Variants in ZNF521 observed in about 807,000 individuals in gnomAD.
ZNF521 encodes the protein zinc finger protein 521.
A neutral mutation model predicts 105.5 loss-of-function variants in ZNF521; 14 were observed. The observed-to-expected ratio is 0.13, with a 90% CI of 0.09 to 0.21. ZNF521 has a LOEUF of 0.21. Ranked by LOEUF, ZNF521 falls within the 10% of genes least tolerant of loss-of-function variation. The probability of loss-of-function intolerance (pLI) is 1.00; values close to 1 mark genes in which losing one functional copy is unlikely to be tolerated. For missense variants in ZNF521, 1,233 were observed against 1,629.7 expected, an observed-to-expected ratio of 0.76 and a Z score of 4.19; for synonymous variants, 635 against 606.0, an observed-to-expected ratio of 1.05 and a Z score of -0.70.
Position 25,062,757 on chromosome 18 carries a change from A to C in ZNF521, c.3907-16T>G, listed in dbSNP as rs1204935777. 4 of 790,172 alleles carry C rather than the reference A, an allele frequency of 5.1e-6. No homozygotes were observed. Among genetic ancestry groups the C allele is most frequent in the African/African-American group, 3.9e-5 (1 of 25,778 alleles). 48.9% of individuals were successfully genotyped at this position (790,172 alleles called of 1,614,324 possible). ...TTGTATGATTCTGTAAATAACAAAAAAAAAAAAAAAAAAAAAAAAAAAAAA... is the reference window on the plus strand; with the variant it reads ...TTGTATGATTCTGTAAATAACAAAACAAAAAAAAAAAAAAAAAAAAAAAAA... On this transcript the variant is annotated splice_polypyrimidine_tract_variant and intron_variant, in intron 7 of 7. Coordinates refer to ENST00000361524, the MANE Select transcript of ZNF521 (RefSeq NM_015461.3).
chr18:25,123,152 CA>C lies in ZNF521; in HGVS notation c.3659-31072del, dbSNP rs2034476855. On this transcript the variant is annotated intron_variant, in intron 5 of 7. Transcript: ENST00000361524. ...CTTACAAATGACTCATTATATGAGT[CA>C]TTTGTAAGTACAGATAATTATTAGA... Among the ~76,000 whole-genome samples, 11 of 151,430 alleles carry C rather than the reference CA, an allele frequency of 7.3e-5. No individual in the cohort carries two copies. In the South Asian group the frequency reaches 2.3e-3, roughly 32 times the overall value.
intron 4 of ZNF521, among the ~76,000 whole-genome samples, chr18:25,197,877 C>A (rs1417058799): frequency 6.6e-6 from 1 of 151,700 alleles, no homozygotes; most frequent in East Asian, 1.9e-4. Context: ...GAAATAGAAC[C>A]CCAAATGAAG....
At chr18:25,212,527 A>AAAAAAAAAG (rs2036202592) in intron 4 of ZNF521, among the ~76,000 whole-genome samples, 1 of 117,438 alleles carries the variant, frequency 8.5e-6, no homozygotes, top group African/African-American at 3.8e-5. Context: ...AAAAAAAAAA[A>AAAAAAAAAG]AAAAAAAAAA....
At chr18:25,274,225 A>G (rs1048462367) in intron 3 of ZNF521, among the ~76,000 whole-genome samples, 1 of 152,162 alleles carries the variant, frequency 6.6e-6, no homozygotes, top group South Asian at 2.1e-4. Flanking sequence ...AAGGAATACC[A>G]AGGAACCAGC....
intron 5 of ZNF521, among the ~76,000 whole-genome samples, chr18:25,115,916 C>A (rs139086562): frequency 1.3e-3 from 199 of 152,292 alleles, no homozygotes; most frequent in African/African-American, 4.6e-3. Flanking sequence ...CCAGGAAAAC[C>A]TCAATAATGC....
intron 5 of ZNF521, among the ~76,000 whole-genome samples, chr18:25,135,389 C>T (rs949323526): frequency 1.3e-5 from 2 of 151,590 alleles, no homozygotes; most frequent in African/African-American, 4.9e-5. Context: ...CTTCTCTGGC[C>T]ATAATGTTTC....
intron 4 of ZNF521, among the ~76,000 whole-genome samples, chr18:25,223,326 G>A (rs1353037068): frequency 2.0e-5 from 3 of 152,188 alleles, no homozygotes; most frequent in Non-Finnish European, 4.4e-5. Flanking sequence ...GTGAGGCCAG[G>A]CTCTGTCTCA....
chr18:25,245,818 G>C (rs945740366), intron 3 of ZNF521, among the ~76,000 whole-genome samples: 1 of 152,060 alleles, frequency 6.6e-6, no homozygotes, highest in South Asian at 2.1e-4. Context: ...TTCAGGACTA[G>C]CCTGAGCAAC....
intron 5 of ZNF521, among the ~76,000 whole-genome samples, chr18:25,147,260 A>C (rs530083265): frequency 2.0e-5 from 3 of 152,244 alleles, no homozygotes; most frequent in African/African-American, 4.8e-5. Context: ...TTTACCTTTA[A>C]TACTGAAGTG....
intron 3 of ZNF521, among the ~76,000 whole-genome samples, chr18:25,285,638 T>C (rs1435059267): frequency 1.3e-5 from 2 of 152,122 alleles, no homozygotes; most frequent in Non-Finnish European, 2.9e-5. Flanking sequence ...CACGTACCTC[T>C]ATCCACCACC....
At chr18:25,123,127 C>T (rs2034474376) in intron 5 of ZNF521, among the ~76,000 whole-genome samples, 1 of 145,806 alleles carries the variant, frequency 6.9e-6, no homozygotes, top group African/African-American at 2.5e-5. Context: ...ATTATCTGTA[C>T]TTACAAATGA....
chr18:25,227,317 G>A lies in ZNF521; in HGVS notation c.601C>T (p.Pro201Ser). 6.2e-7 allele frequency: 1 copy of A among 1,614,154 alleles called. No individual in the cohort carries two copies. Among genetic ancestry groups the A allele is most frequent in the Non-Finnish European group, 8.5e-7 (1 of 1,180,022 alleles). Residue 201 changes from proline (P) to serine (S), a missense_variant, in exon 4 of 8, where the codon CCA becomes TCA. Pro to Ser is a moderately conservative substitution (Grantham distance 74). Around this residue, in one of 6 missense-constraint regions of ZNF521, gnomAD observed 380 missense variants for 478.0 expected, o/e 0.80. Coordinates refer to ENST00000361524, the MANE Select transcript of ZNF521 (RefSeq NM_015461.3). This position sits in a 1 kb window ranked among gnomAD's most constrained non-coding sequence, Gnocchi z 5.7. ...IHLKTHTSNKPYKCAICRRGF... is the reference protein window; with the variant it reads ...IHLKTHTSNKSYKCAICRRGF... ...CGGCGACAAATGGCACATTTATATG[G>A]CTTGTTGGACGTGTGAGTCTTTAAG...
intron 5 of ZNF521, among the ~76,000 whole-genome samples, chr18:25,136,561 G>A (rs1250313431): frequency 6.6e-6 from 1 of 152,112 alleles, no homozygotes; most frequent in Non-Finnish European, 1.5e-5. Context: ...GAGAGGTTCA[G>A]GTTGAGAAAG....
At chr18:25,336,379 A>G (rs1432231647) in intron 2 of ZNF521, among the ~76,000 whole-genome samples, 2 of 152,194 alleles carry the variant, frequency 1.3e-5, no homozygotes, top group Non-Finnish European at 2.9e-5. Context: ...TTAAACTTTC[A>G]TAATGATATG....
chr18:25,301,610 G>A (rs1031910036), intron 3 of ZNF521, among the ~76,000 whole-genome samples: 1 of 152,218 alleles, frequency 6.6e-6, no homozygotes, highest in African/African-American at 2.4e-5. Flanking sequence ...GTCCATCAGA[G>A]GAAAATGATG....
At chr18:25,181,749 A>G (rs866657471) in intron 5 of ZNF521, among the ~76,000 whole-genome samples, 2 of 152,208 alleles carry the variant, frequency 1.3e-5, no homozygotes, top group African/African-American at 2.4e-5. Flanking sequence ...TTTTAGGCTC[A>G]TATAAAGGAC....
chr18:25,174,301 C>T (rs1035688349), intron 5 of ZNF521, among the ~76,000 whole-genome samples: 76 of 152,104 alleles, frequency 5.0e-4, no homozygotes, highest in African/African-American at 1.8e-3. Context: ...AACATATTAG[C>T]TTTTTAGATC....
chr18:25,160,189 T>C (rs558945235), intron 5 of ZNF521, among the ~76,000 whole-genome samples: 1 of 152,260 alleles, frequency 6.6e-6, no homozygotes, highest in South Asian at 2.1e-4. Flanking sequence ...GTCTTTACTG[T>C]CAAGGCAACA....
intron 5 of ZNF521, among the ~76,000 whole-genome samples, chr18:25,152,790 CT>C: frequency 6.6e-6 from 1 of 152,196 alleles, no homozygotes; most frequent in Non-Finnish European, 1.5e-5. Flanking sequence ...AATTTAATCT[CT>C]TTTTTTCTGC....
Sources: allele counts gnomAD v4.1 joint callset (sites outside exome capture counted in the v4.1 genomes callset), GRCh38; gene constraint gnomAD v4.1.1; regional missense constraint gnomAD v4.1.1; non-coding constraint Gnocchi (gnomAD v3.1); transcripts MANE v1.5; gene names NCBI Gene and HGNC (gene_info 2026-07-23, HGNC 2026-07-21).